The following MYO18B variants were observed in gnomAD, a reference collection of about 807,000 sequenced individuals.
The protein encoded by MYO18B is unconventional myosin-XVIIIb.
MYO18B carries 204 observed loss-of-function variants against 273.0 expected under a neutral mutation model. The ratio of observed to expected loss-of-function variants is 0.75; its 90% CI spans 0.67 to 0.84. The LOEUF (loss-of-function observed/expected upper bound fraction) is 0.84, where lower values mean the gene tolerates loss of function less well. Among genes scored for constraint, MYO18B ranks in the 40% least tolerant of loss-of-function variants. MYO18B has a pLI of 0.00. For synonymous variants in MYO18B, 1,330 were observed against 1,305.7 expected (o/e 1.02, Z -0.40); for missense variants, 3,212 against 3,287.6 (o/e 0.98, Z 0.56).
intron 33 of MYO18B, among the ~76,000 whole-genome samples, chr22:25,919,521 T>C (rs2092310100): frequency 6.6e-6 from 1 of 152,218 alleles, no homozygotes; most frequent in Non-Finnish European, 1.5e-5. Flanking sequence ...CACTTAAAAC[T>C]GTCTATAAAT....
intron 3 of MYO18B, among the ~76,000 whole-genome samples, chr22:25,764,026 A>G (rs1358465694): frequency 6.6e-6 from 1 of 152,182 alleles, no homozygotes; most frequent in Non-Finnish European, 1.5e-5. Context: ...CTCAGCTGCC[A>G]TGTTTACCCA....
chr22:25,748,938 T>C (rs984552867), intron 1 of MYO18B, among the ~76,000 whole-genome samples: 5 of 152,230 alleles, frequency 3.3e-5, no homozygotes, highest in Non-Finnish European at 7.3e-5. Flanking sequence ...GGCTGGACTT[T>C]GTATGGAATC....
intron 14 of MYO18B, 117 bp from the exon 15 acceptor site, chr22:25,828,659 C>A (rs1323183005): frequency 3.1e-6 from 3 of 966,328 alleles, no homozygotes; most frequent in African/African-American, 1.6e-5. Context: ...TGCCTGAGGT[C>A]ACACAGCCTG....
At chr22:25,808,699 G>A (rs184304080) in intron 12 of MYO18B, among the ~76,000 whole-genome samples, 1 of 152,272 alleles carries the variant, frequency 6.6e-6, no homozygotes, top group Admixed American at 6.5e-5. Flanking sequence ...GAACCAGGCT[G>A]ACCAGTGTTC....
At chr22:25,748,204 T>C (rs1183892575) in intron 1 of MYO18B, among the ~76,000 whole-genome samples, 1 of 152,136 alleles carries the variant, frequency 6.6e-6, no homozygotes, top group African/African-American at 2.4e-5. Flanking sequence ...TGTCTGTTGT[T>C]CCAGAGAGTG....
At chr22:25,748,154 C>T (rs1003065901) in intron 1 of MYO18B, among the ~76,000 whole-genome samples, 10 of 152,130 alleles carry the variant, frequency 6.6e-5, no homozygotes, top group South Asian at 2.1e-4. Flanking sequence ...AAACTGGGGG[C>T]GGATTCCATC....
chr22:25,961,568 C>G (rs141601916), intron 39 of MYO18B, among the ~76,000 whole-genome samples: 1 of 152,276 alleles, frequency 6.6e-6, no homozygotes, highest in Non-Finnish European at 1.5e-5. Context: ...ATTCCTGTCC[C>G]TTTGTCATTA....
rs537565092 is a variant in MYO18B, at chr22:25,976,603, T to C, written c.6157-15760T>C. On this transcript the variant is annotated intron_variant, in intron 39 of 43. Coordinates refer to ENST00000335473, the MANE Select transcript of MYO18B (RefSeq NM_032608.7). ...GGCATCTTTTGCTGTTTATGTTGCA[T>C]GCTCCGTTTTCTCTGATGGTAGCTT... Among the ~76,000 whole-genome samples, 8 of 152,324 alleles carry C rather than the reference T, an allele frequency of 5.3e-5. No homozygotes were observed. In the South Asian group the frequency reaches 1.7e-3, roughly 32 times the overall value.
chr22:25,987,450 T>C (rs944949789), intron 39 of MYO18B, among the ~76,000 whole-genome samples: 1 of 152,220 alleles, frequency 6.6e-6, no homozygotes, highest in Non-Finnish European at 1.5e-5. Context: ...ATTATTGTAC[T>C]GATCTCTGTA....
At chr22:25,917,822 A>G (rs980650748) in intron 33 of MYO18B, among the ~76,000 whole-genome samples, 5 of 152,192 alleles carry the variant, frequency 3.3e-5, no homozygotes, top group African/African-American at 1.2e-4. Flanking sequence ...CAGAAGCTAT[A>G]AACTCTATTT....
At chr22:25,924,046 G>C (rs1353176573) in intron 34 of MYO18B, among the ~76,000 whole-genome samples, 1 of 152,192 alleles carries the variant, frequency 6.6e-6, no homozygotes, top group African/African-American at 2.4e-5. Flanking sequence ...GAAATCCACA[G>C]CTTTGGCTTT....
At chr22:25,806,535 G>A (rs751413233) in intron 12 of MYO18B, among the ~76,000 whole-genome samples, 4 of 152,158 alleles carry the variant, frequency 2.6e-5, no homozygotes, top group Non-Finnish European at 5.9e-5. Flanking sequence ...GGAAGGCAGC[G>A]GGAGGGGGCT....
chr22:25,924,435 T>G (rs1307457659), intron 34 of MYO18B, among the ~76,000 whole-genome samples: 1 of 152,218 alleles, frequency 6.6e-6, no homozygotes, highest in South Asian at 2.1e-4. Context: ...ACAGCGGTGG[T>G]ACCCACCGTC....
chr22:25,955,144 A>C, intron 38 of MYO18B, 35 bp from the exon 39 acceptor site: 3 of 1,539,290 alleles, frequency 1.9e-6, no homozygotes, highest in South Asian at 1.2e-5. Context: ...CTGGCCTCCA[A>C]CTCCAAGGTG....
At chr22:25,898,147 G>A in intron 28 of MYO18B, 160 bp from the exon 29 acceptor site, 1 of 685,860 alleles carries the variant, frequency 1.5e-6, no homozygotes, top group East Asian at 2.9e-5. Flanking sequence ...TAGCTTCCTG[G>A]AGGTGACCCT....
chr22:25,803,551 G>C (rs753304978), intron 12 of MYO18B, among the ~76,000 whole-genome samples: 6 of 152,104 alleles, frequency 3.9e-5, no homozygotes, highest in Non-Finnish European at 7.3e-5. Context: ...GCGGTTCTGT[G>C]ATGGGTCAAG....
At chr22:25,956,728 G>A (rs2092857293) in intron 39 of MYO18B, among the ~76,000 whole-genome samples, 1 of 152,146 alleles carries the variant, frequency 6.6e-6, no homozygotes, top group Non-Finnish European at 1.5e-5. Context: ...CCATCACTCA[G>A]CCTTCTAGAG....
In MYO18B at chr22:25,772,337, A is replaced by G; in HGVS notation, c.1696A>G (p.Asn566Asp). ...EVDEEHVHRA[N>D]PPELDQVEDL... ...ACTCTGTGTGATGGTTTCACAGGCC[A>G]ACCCTCCTGAGCTGGACCAGGTCGA... Residue 566 changes from asparagine to aspartate, a missense_variant, in exon 7 of 44, where the codon AAC (asparagine) becomes GAC (aspartate). Coordinates refer to ENST00000335473, the MANE Select transcript of MYO18B (RefSeq NM_032608.7). The G allele has an allele frequency of 6.2e-7, 1 of 1,613,272 alleles. No individual in the cohort carries two copies. Among genetic ancestry groups the G allele is most frequent in the Non-Finnish European group, 8.5e-7 (1 of 1,179,490 alleles).
At chr22:25,993,797 C>T (rs1249847081) in intron 40 of MYO18B, among the ~76,000 whole-genome samples, 1 of 152,096 alleles carries the variant, frequency 6.6e-6, no homozygotes, top group African/African-American at 2.4e-5. Context: ...AAGGAAGAAC[C>T]AGACATCTAT....
Sources: allele counts gnomAD v4.1 joint callset (sites outside exome capture counted in the v4.1 genomes callset), GRCh38; gene constraint gnomAD v4.1.1; transcripts MANE v1.5; gene names NCBI Gene and HGNC (gene_info 2026-07-23, HGNC 2026-07-21).